The following LOC400499 variants were observed in gnomAD, a reference collection of about 807,000 sequenced individuals.
At chr16:11,438,169 C>T in the LOC400499 span, among the ~76,000 whole-genome samples, 1 of 152,152 alleles carries the variant, frequency 6.6e-6, no homozygotes, top group Non-Finnish European at 1.5e-5. Flanking sequence ...TAGAACAGAG[C>T]CTGCCACGCA....
At chr16:11,484,765 A>T in the LOC400499 span, 3 of 397,828 alleles carry the variant, frequency 7.5e-6, no homozygotes, top group Non-Finnish European at 1.3e-5. Context: ...TAATTCTGCA[A>T]GGAGGAGGCA....
chr16:11,378,011 C>T, the LOC400499 span, among the ~76,000 whole-genome samples: 1 of 152,156 alleles, frequency 6.6e-6, no homozygotes, highest in Non-Finnish European at 1.5e-5. Flanking sequence ...TTTATTTCTG[C>T]TCTAAACTTT....
chr16:11,487,940 C>G, the LOC400499 span, among the ~76,000 whole-genome samples: 67 of 151,914 alleles, frequency 4.4e-4, no homozygotes, highest in South Asian at 0.014. Flanking sequence ...ATGGTGAAAC[C>G]CCATCTCCAC....
At chr16:11,412,832 C>G in the LOC400499 span, 1 of 399,188 alleles carries the variant, frequency 2.5e-6, no homozygotes. Context: ...TCCTGGGGGC[C>G]CCCCTCACCT....
the LOC400499 span, among the ~76,000 whole-genome samples, chr16:11,452,533 G>A: frequency 3.9e-5 from 6 of 152,220 alleles, no homozygotes; most frequent in African/African-American, 1.2e-4. Context: ...AGCCCACAGC[G>A]GCCCCTCAAA....
the LOC400499 span, chr16:11,417,604 G>T: frequency 1.8e-5 from 7 of 394,906 alleles, no homozygotes; most frequent in South Asian, 7.8e-4. Context: ...CAGCTCCCCA[G>T]TCCCGGGCTG....
chr16:11,374,620 T>C, the LOC400499 span, among the ~76,000 whole-genome samples: 2 of 152,232 alleles, frequency 1.3e-5, no homozygotes, highest in African/African-American at 4.8e-5. Flanking sequence ...CTTTGTATAA[T>C]GTCCTCAAGG....
At chr16:11,402,583 G>A in the LOC400499 span, among the ~76,000 whole-genome samples, 4 of 152,236 alleles carry the variant, frequency 2.6e-5, no homozygotes, top group East Asian at 7.7e-4. Context: ...CTGGCCTGTG[G>A]GCTGGTGCCA....
At chr16:11,463,529 T>C in the LOC400499 span, among the ~76,000 whole-genome samples, 3 of 152,220 alleles carry the variant, frequency 2.0e-5, no homozygotes, top group Admixed American at 2.0e-4. Context: ...CATGGATGTG[T>C]CTGTATGTAG....
the LOC400499 span, among the ~76,000 whole-genome samples, chr16:11,484,219 G>A: frequency 6.6e-6 from 1 of 151,950 alleles, no homozygotes; most frequent in Non-Finnish European, 1.5e-5. Flanking sequence ...ATGTAAGCCA[G>A]GATGGTCTTG....
chr16:11,469,663 C>A, the LOC400499 span: 3 of 399,094 alleles, frequency 7.5e-6, no homozygotes, highest in Non-Finnish European at 1.3e-5. Flanking sequence ...GAACCAGCTG[C>A]CCTTCTGGAA....
the LOC400499 span, among the ~76,000 whole-genome samples, chr16:11,442,972 T>C: frequency 1.3e-5 from 2 of 152,072 alleles, no homozygotes; most frequent in African/African-American, 4.8e-5. Context: ...GAAAGGTGGG[T>C]CTCAATGCTC....
At chr16:11,493,400 C>G in the LOC400499 span, among the ~76,000 whole-genome samples, 1 of 152,166 alleles carries the variant, frequency 6.6e-6, no homozygotes, top group African/African-American at 2.4e-5. Context: ...GTCTGCCAAA[C>G]CCTGTACTAG....
chr16:11,407,595 T>A, the LOC400499 span, among the ~76,000 whole-genome samples: 16 of 152,332 alleles, frequency 1.1e-4, no homozygotes, highest in East Asian at 2.1e-3. Flanking sequence ...CTTGAAAATA[T>A]CTACCAGCCT....
the LOC400499 span, among the ~76,000 whole-genome samples, chr16:11,420,608 CGG>C: frequency 3.0e-4 from 28 of 92,890 alleles, no homozygotes; most frequent in South Asian, 6.9e-4. Flanking sequence ...CCCCCCCCCC[CGG>C]AAAAAAACCC....
the LOC400499 span, chr16:11,399,570 G>A: frequency 3.0e-5 from 12 of 398,806 alleles, no homozygotes; most frequent in African/African-American, 2.1e-4. Flanking sequence ...CCGCAGGCCT[G>A]GAGGCTGTTC....
chr16:11,417,535 A>G, the LOC400499 span: 47,729 of 397,876 alleles, frequency 0.12, 3,666 homozygotes, highest in African/African-American at 0.28. Context: ...TGGACTTGAC[A>G]GGAGTGCCAC....
chr16:11,482,336 G>A, the LOC400499 span, among the ~76,000 whole-genome samples: 2 of 152,186 alleles, frequency 1.3e-5, no homozygotes, highest in Non-Finnish European at 2.9e-5. Context: ...GGACTTTGCA[G>A]GACAGGATAC....
chr16:11,473,609 G>A, the LOC400499 span, among the ~76,000 whole-genome samples: 2 of 152,032 alleles, frequency 1.3e-5, no homozygotes, highest in Admixed American at 1.3e-4. Context: ...ACAAAAATTA[G>A]CCGGGCTTGG....
Sources: allele counts gnomAD v4.1 joint callset (sites outside exome capture counted in the v4.1 genomes callset), GRCh38; gene constraint gnomAD v4.1.1; transcripts MANE v1.5.